PPP2CB: variants seen among roughly 807,000 people sequenced by gnomAD.
The protein encoded by PPP2CB is protein phosphatase 2 catalytic subunit beta, also known as serine/threonine-protein phosphatase 2A catalytic subunit beta isoform.
A neutral mutation model predicts 39.1 loss-of-function variants in PPP2CB; 18 were observed. That is an observed-to-expected ratio of 0.46 (90% CI 0.32 to 0.68). The LOEUF is 0.68. Among genes scored for constraint, PPP2CB ranks in the 30% least tolerant of loss-of-function variants. PPP2CB has a pLI of 0.04. For missense variants in PPP2CB, 226 were observed against 396.9 expected, an observed-to-expected ratio of 0.57 and a Z score of 3.66; for synonymous variants, 129 against 133.8, an observed-to-expected ratio of 0.96 and a Z score of 0.25.
In PPP2CB at chr8:30,785,703, C is replaced by A. The variant is rs1806327693; in HGVS notation, c.*532G>T. 4.4e-6 allele frequency: 1 copy of A among 225,400 alleles called. No individual in the cohort carries two copies. The highest frequency in any genetic ancestry group is 2.3e-5 in the African/African-American group (1 of 42,652). The allele number at this position is 225,400 out of a possible 1,614,324, so 14.0% of individuals were successfully genotyped here. Reference sequence around the variant, plus strand: ...GACAAATATACAGAAATATGCAGATCAACATAAAACAGTAATTTAGTTTAA... The same window carrying A: ...GACAAATATACAGAAATATGCAGATAAACATAAAACAGTAATTTAGTTTAA... On this transcript the variant is annotated 3_prime_UTR_variant, in exon 7 of 7. Transcript: ENST00000221138.
chr8:30,799,829 A>G (rs904456388), intron 1 of PPP2CB, 74 bp from the exon 2 acceptor site: 137 of 1,342,450 alleles, frequency 1.0e-4, no homozygotes, highest in Middle Eastern at 3.7e-4. Flanking sequence ...AAATTTGGGG[A>G]AAAAAACACT....
chr8:30,804,819 C>T (rs929066836), intron 1 of PPP2CB, among the ~76,000 whole-genome samples: 1 of 151,964 alleles, frequency 6.6e-6, no homozygotes, highest in Non-Finnish European at 1.5e-5. Context: ...TTCTAACTCT[C>T]GCAAAATCCT....
At position 30,791,324 on chromosome 8, in the gene PPP2CB, T is replaced by C; in HGVS notation, c.739-9A>G. 6.5e-7 allele frequency: 1 copy of C among 1,532,130 alleles called. No individual in the cohort carries two copies. The highest frequency in any genetic ancestry group is 9.0e-7 in the Non-Finnish European group (1 of 1,116,594). The allele number at this position is 1,532,130 out of a possible 1,614,324, so 94.9% of individuals were successfully genotyped here. On this transcript the variant is annotated splice_polypyrimidine_tract_variant and intron_variant, in intron 5 of 6. Coordinates refer to ENST00000221138, the MANE Select transcript of PPP2CB (RefSeq NM_001009552.2). ...TGACACCAATTGTATCCCTGCAGGATAAAAACAAATTCATTATTTCATTAT... is the reference window on the plus strand; with the variant it reads ...TGACACCAATTGTATCCCTGCAGGACAAAAACAAATTCATTATTTCATTAT...
intron 3 of PPP2CB, 80 bp downstream of exon 3, chr8:30,797,501 G>T: frequency 7.4e-7 from 1 of 1,350,948 alleles, no homozygotes; most frequent in Non-Finnish European, 1.0e-6. Flanking sequence ...CAGGTCATAT[G>T]AATCTAGACC....
chr8:30,791,202 A>G lies in PPP2CB; in HGVS notation c.852T>C (p.Tyr284=), dbSNP rs760223548. ...TAAAATTTACAGTTACTCACAAGGAATATTTTAAAGTGTCATCTAATTCCA... is the reference window on the plus strand; with the variant it reads ...TAAAATTTACAGTTACTCACAAGGAGTATTTTAAAGTGTCATCTAATTCCA... ...AIMELDDTLK[Y]SFLQFDPAPR... is the part of the protein sequence containing the mutation. The change falls in exon 6 of 7, where the codon TAT becomes TAC. Residue 284 remains tyrosine, a synonymous_variant. Coordinates refer to ENST00000221138, the MANE Select transcript of PPP2CB (RefSeq NM_001009552.2). The G allele has an allele frequency of 1.9e-6, 3 of 1,588,292 alleles. No homozygotes were observed. The South Asian group carries it at 3.4e-5, about 18-fold the overall frequency.
At chr8:30,793,645 T>C in intron 5 of PPP2CB, 1 of 288,288 alleles carries the variant, frequency 3.5e-6, no homozygotes, top group Non-Finnish European at 6.4e-6. Context: ...GCAAATATAG[T>C]AAAATATTTA....
At chr8:30,802,963 C>T (rs923798840) in intron 1 of PPP2CB, among the ~76,000 whole-genome samples, 11 of 152,136 alleles carry the variant, frequency 7.2e-5, no homozygotes, top group African/African-American at 2.4e-4. Context: ...AATATGCAGC[C>T]AGGAACTTAG....
At chr8:30,791,966 GTGTGTATA>G (rs57147872) in intron 5 of PPP2CB, among the ~76,000 whole-genome samples, 38,190 of 151,246 alleles carry the variant, frequency 0.25, 6,545 homozygotes, top group African/African-American at 0.49. Flanking sequence ...ATATGTATAC[GTGTGTATA>G]TGTGTATATA....
chr8:30,786,422 C>A, intron 6 of PPP2CB, 115 bp from the exon 7 acceptor site: 1 of 809,508 alleles, frequency 1.2e-6, no homozygotes, highest in Non-Finnish European at 1.9e-6. Context: ...ACCATGACTA[C>A]ATCACTTACG....
At chr8:30,801,723 G>T (rs1382760837) in intron 1 of PPP2CB, among the ~76,000 whole-genome samples, 1 of 152,002 alleles carries the variant, frequency 6.6e-6, no homozygotes, top group Admixed American at 6.6e-5. Context: ...CTGCATTTTT[G>T]TCAACAGACT....
At chr8:30,804,510 T>C (rs976433173) in intron 1 of PPP2CB, among the ~76,000 whole-genome samples, 2 of 152,206 alleles carry the variant, frequency 1.3e-5, no homozygotes, top group Non-Finnish European at 2.9e-5. Context: ...TCTGCCCTTA[T>C]GAGTCTTTTC....
chr8:30,804,928 C>T (rs1327579775), intron 1 of PPP2CB, among the ~76,000 whole-genome samples: 1 of 152,130 alleles, frequency 6.6e-6, no homozygotes, highest in Non-Finnish European at 1.5e-5. Flanking sequence ...AAGCCCATCA[C>T]TGTCCCCATC....
At chr8:30,789,370 G>A (rs1212964229) in intron 6 of PPP2CB, among the ~76,000 whole-genome samples, 3 of 152,154 alleles carry the variant, frequency 2.0e-5, no homozygotes, top group South Asian at 4.1e-4. Context: ...GGCTACTGAG[G>A]GGCTGTCTCT....
intron 6 of PPP2CB, among the ~76,000 whole-genome samples, chr8:30,789,838 C>T (rs1227445676): frequency 6.6e-6 from 1 of 152,186 alleles, no homozygotes; most frequent in Non-Finnish European, 1.5e-5. Context: ...TTTATCCTCT[C>T]ACAGTTCTGG....
At chr8:30,807,052 G>T (rs1449936562) in intron 1 of PPP2CB, among the ~76,000 whole-genome samples, 2 of 152,150 alleles carry the variant, frequency 1.3e-5, no homozygotes, top group African/African-American at 4.8e-5. Flanking sequence ...TAAGAGGCTG[G>T]CTTAGCAAGG....
At chr8:30,810,866 T>C (rs549556027) in intron 1 of PPP2CB, among the ~76,000 whole-genome samples, 2 of 152,362 alleles carry the variant, frequency 1.3e-5, no homozygotes, top group African/African-American at 4.8e-5. Flanking sequence ...TCTAAGTAAA[T>C]TTCATGATCT....
intron 1 of PPP2CB, among the ~76,000 whole-genome samples, chr8:30,807,631 G>C (rs1237127259): frequency 6.6e-6 from 1 of 152,158 alleles, no homozygotes; most frequent in African/African-American, 2.4e-5. Flanking sequence ...TCATCACCAA[G>C]GTTCTTCAGT....
intron 1 of PPP2CB, among the ~76,000 whole-genome samples, chr8:30,803,238 C>A (rs1259932952): frequency 6.6e-6 from 1 of 151,894 alleles, no homozygotes; most frequent in Non-Finnish European, 1.5e-5. Context: ...ACAGGTATTT[C>A]ATGACACTGA....
intron 6 of PPP2CB, chr8:30,786,508 T>C: frequency 5.2e-6 from 2 of 384,568 alleles, no homozygotes; most frequent in Admixed American, 9.1e-5. Context: ...TGGTGAAAAT[T>C]TAAGAAGACA....
Sources: allele counts gnomAD v4.1 joint callset (sites outside exome capture counted in the v4.1 genomes callset), GRCh38; gene constraint gnomAD v4.1.1; transcripts MANE v1.5; gene names NCBI Gene and HGNC (gene_info 2026-07-23, HGNC 2026-07-21).